PPARGC1A: variants seen among roughly 807,000 people sequenced by gnomAD.
PPARGC1A encodes the protein peroxisome proliferator-activated receptor gamma coactivator 1-alpha.
A neutral mutation model predicts 88.7 loss-of-function variants in PPARGC1A; 25 were observed. That is an observed-to-expected ratio of 0.28 (90% CI 0.21 to 0.39). The LOEUF is 0.39. PPARGC1A is among the 10% of genes least tolerant of loss of function. The probability of loss-of-function intolerance (pLI) is 1.00; values close to 1 mark genes in which losing one functional copy is unlikely to be tolerated. For missense variants in PPARGC1A, 880 were observed against 968.7 expected (o/e 0.91, Z 1.22); for synonymous variants, 363 against 355.6 (o/e 1.02, Z -0.24).
the PPARGC1A span, among the ~76,000 whole-genome samples, chr4:23,912,850 G>A: frequency 2.0e-5 from 3 of 150,830 alleles, no homozygotes; most frequent in East Asian, 2.0e-4. Context: ...GTGCAGTGGC[G>A]GGATCTCTGC....
chr4:24,199,392 C>T, the PPARGC1A span, among the ~76,000 whole-genome samples: 37 of 151,970 alleles, frequency 2.4e-4, no homozygotes, highest in Non-Finnish European at 4.4e-4. Context: ...AATAATAATA[C>T]GTGATAAGTG....
chr4:24,253,005 G>A, the PPARGC1A span, among the ~76,000 whole-genome samples: 1 of 152,072 alleles, frequency 6.6e-6, no homozygotes, highest in African/African-American at 2.4e-5. Context: ...TGATCTCATT[G>A]TATTTGTAAT....
intron 2 of PPARGC1A, among the ~76,000 whole-genome samples, chr4:23,832,892 G>A (rs1026206067): frequency 1.3e-4 from 18 of 140,830 alleles, no homozygotes; most frequent in African/African-American, 4.3e-4. Flanking sequence ...TTACCGGCGT[G>A]AGCTACTGCG....
the PPARGC1A span, among the ~76,000 whole-genome samples, chr4:24,149,626 G>C: frequency 3.9e-5 from 6 of 152,226 alleles, no homozygotes; most frequent in South Asian, 8.3e-4. Flanking sequence ...GTTTGTAAGA[G>C]CTCAGACAAA....
chr4:23,941,178 C>A, the PPARGC1A span, among the ~76,000 whole-genome samples: 1 of 152,128 alleles, frequency 6.6e-6, no homozygotes, highest in African/African-American at 2.4e-5. Flanking sequence ...TAGCCTCCCA[C>A]GTAGCTAGGC....
upstream of PPARGC1A, among the ~76,000 whole-genome samples, chr4:23,894,024 C>T (rs1350983228): frequency 7.2e-5 from 11 of 152,106 alleles, no homozygotes; most frequent in East Asian, 2.1e-3. Flanking sequence ...TGGAGGGCAG[C>T]TGGAAAGAGC....
the PPARGC1A span, among the ~76,000 whole-genome samples, chr4:24,040,563 A>G: frequency 7.9e-5 from 12 of 152,202 alleles, no homozygotes; most frequent in African/African-American, 2.9e-4. Flanking sequence ...CTTCCAAATA[A>G]AGCTTTTTAA....
the PPARGC1A span, among the ~76,000 whole-genome samples, chr4:24,291,012 T>A: frequency 6.6e-6 from 1 of 152,204 alleles, no homozygotes; most frequent in Non-Finnish European, 1.5e-5. Context: ...GCTCTTCTAC[T>A]GTCTTATGCA....
the PPARGC1A span, among the ~76,000 whole-genome samples, chr4:24,376,025 G>GAAA: frequency 7.6e-4 from 113 of 149,050 alleles, no homozygotes; most frequent in Admixed American, 1.9e-3. Flanking sequence ...ATTGCACCAA[G>GAAA]AAAAAAAAAA....
chr4:24,063,940 C>T, the PPARGC1A span, among the ~76,000 whole-genome samples: 3 of 152,126 alleles, frequency 2.0e-5, no homozygotes, highest in Admixed American at 6.5e-5. Flanking sequence ...TCAGGGGGCC[C>T]GCCTGGCAGT....
At chr4:23,886,833 G>T (rs1266205327) in intron 1 of PPARGC1A, among the ~76,000 whole-genome samples, 5 of 143,274 alleles carry the variant, frequency 3.5e-5, no homozygotes, top group Non-Finnish European at 4.5e-5. Context: ...AGATACACTA[G>T]GATTTTATAG....
chr4:24,372,069 G>A, the PPARGC1A span, among the ~76,000 whole-genome samples: 1 of 152,178 alleles, frequency 6.6e-6, no homozygotes, highest in Non-Finnish European at 1.5e-5. Context: ...CTTGCCTCCA[G>A]AGTTTGGGAG....
chr4:24,399,770 C>T, the PPARGC1A span, among the ~76,000 whole-genome samples: 3 of 151,300 alleles, frequency 2.0e-5, no homozygotes, highest in African/African-American at 7.3e-5. Flanking sequence ...AGCATATGAA[C>T]ATTTACACCA....
chr4:23,880,407 A>G (rs186349954), intron 2 of PPARGC1A, among the ~76,000 whole-genome samples: 7 of 152,326 alleles, frequency 4.6e-5, no homozygotes, highest in Admixed American at 2.6e-4. Context: ...TTATGCAACA[A>G]GTATTTGTTG....
the PPARGC1A span, among the ~76,000 whole-genome samples, chr4:24,080,910 G>A: frequency 9.2e-5 from 14 of 152,034 alleles, no homozygotes; most frequent in Admixed American, 9.2e-4. Context: ...TTGAAGGAGG[G>A]CTTTGAGATT....
chr4:23,899,794 T>C (rs1719071325), upstream of PPARGC1A, among the ~76,000 whole-genome samples: 1 of 152,132 alleles, frequency 6.6e-6, no homozygotes, highest in Non-Finnish European at 1.5e-5. Context: ...AGAACCACAG[T>C]CAACCGGGAG....
chr4:24,296,257 A>G, the PPARGC1A span, among the ~76,000 whole-genome samples: 1 of 151,518 alleles, frequency 6.6e-6, no homozygotes, highest in Non-Finnish European at 1.5e-5. Flanking sequence ...TTTTAATGCC[A>G]AATGAACAAC....
At chr4:23,888,332 G>A (rs1717259829) in intron 1 of PPARGC1A, among the ~76,000 whole-genome samples, 1 of 152,192 alleles carries the variant, frequency 6.6e-6, no homozygotes, top group Non-Finnish European at 1.5e-5. Flanking sequence ...ATTTGAAAAT[G>A]ACTGCAGGAA....
chr4:24,268,284 G>C, the PPARGC1A span, among the ~76,000 whole-genome samples: 2 of 152,192 alleles, frequency 1.3e-5, no homozygotes, highest in South Asian at 2.1e-4. Flanking sequence ...CTATGGCTCA[G>C]ACAGAATCCA....
Sources: gnomAD v4.1 joint callset for allele counts (sites outside exome capture counted in the v4.1 genomes callset) on GRCh38, gnomAD v4.1.1 for gene constraint, MANE v1.5 for transcripts, NCBI Gene and HGNC (gene_info 2026-07-23, HGNC 2026-07-21) for gene names.